The following NCOA5 variants were observed in gnomAD, a reference collection of about 807,000 sequenced individuals.
NCOA5 encodes the protein nuclear receptor coactivator 5.
Under a neutral mutation model 59.0 loss-of-function variants are expected in NCOA5, and 12 were observed. The ratio of observed to expected loss-of-function variants is 0.20; its 90% CI spans 0.13 to 0.33. The LOEUF is 0.33. NCOA5 is among the 10% of genes least tolerant of loss of function. NCOA5 has a pLI of 1.00. For missense variants in NCOA5, 655 were observed against 766.6 expected (o/e 0.85, Z 1.72); for synonymous variants, 270 against 275.5 (o/e 0.98, Z 0.20).
intron 1 of NCOA5, among the ~76,000 whole-genome samples, chr20:46,083,311 GA>G (rs1325133790): frequency 6.6e-6 from 1 of 152,214 alleles, no homozygotes; most frequent in Non-Finnish European, 1.5e-5. Flanking sequence ...TAGCCAGCAT[GA>G]AAAGGAAGTC....
At chr20:46,073,698 G>A (rs915859922) in intron 2 of NCOA5, among the ~76,000 whole-genome samples, 21 of 152,192 alleles carry the variant, frequency 1.4e-4, no homozygotes, top group Non-Finnish European at 2.9e-5. Context: ...AAAGCCTTGG[G>A]CTGGTGGAAA....
At chr20:46,068,800 T>C (rs557313526) in intron 3 of NCOA5, among the ~76,000 whole-genome samples, 162 bp from the exon 4 acceptor site, 2 of 152,326 alleles carry the variant, frequency 1.3e-5, no homozygotes, top group South Asian at 4.1e-4. Flanking sequence ...ACTGAGATGA[T>C]GTACAGAAAG....
chr20:46,063,789 T>C, intron 6 of NCOA5, 109 bp from the exon 7 acceptor site: 1 of 1,164,078 alleles, frequency 8.6e-7, no homozygotes, highest in African/African-American at 1.5e-5. Context: ...AAAATCATTT[T>C]GGTGACAAAA....
At position 46,074,618 on chromosome 20, in the gene NCOA5, T is replaced by C. The variant is rs2084917222; in HGVS notation, c.39-4082A>G. On this transcript the variant is annotated intron_variant, in intron 2 of 7. Transcript: ENST00000290231. ...AATATAGTCACACTGCTGGGAAACA[T>C]TTGAGACGTAAGGGCGAAAGGGGTG... Among the ~76,000 whole-genome samples, 4 of 152,136 alleles carry C rather than the reference T, an allele frequency of 2.6e-5. No homozygotes were observed. In the South Asian group the frequency reaches 8.3e-4, roughly 32 times the overall value.
chr20:46,069,643 A>G (rs969511560), intron 3 of NCOA5, among the ~76,000 whole-genome samples: 15 of 152,078 alleles, frequency 9.9e-5, no homozygotes, highest in African/African-American at 3.1e-4. Flanking sequence ...AGGTGGGAGA[A>G]GTACTTAAGC....
intron 2 of NCOA5, among the ~76,000 whole-genome samples, chr20:46,073,980 TGTA>T (rs1238632911): frequency 6.6e-6 from 1 of 152,000 alleles, no homozygotes; most frequent in Non-Finnish European, 1.5e-5. Flanking sequence ...AGGGTAAAAA[TGTA>T]GAAGAGGTGA....
At chr20:46,085,798 G>C (rs1250044055) in intron 1 of NCOA5, among the ~76,000 whole-genome samples, 4 of 152,126 alleles carry the variant, frequency 2.6e-5, no homozygotes, top group Non-Finnish European at 4.4e-5. Flanking sequence ...GGGTCTATTG[G>C]GGGCTATAAA....
At chr20:46,066,840 A>C (rs2084829304) in intron 5 of NCOA5, among the ~76,000 whole-genome samples, 1 of 152,182 alleles carries the variant, frequency 6.6e-6, no homozygotes, top group Non-Finnish European at 1.5e-5. Flanking sequence ...GCTGTGCCTC[A>C]ATTTCCCAGT....
In NCOA5 at chr20:46,061,533, G is replaced by C. The variant is rs925277256; in HGVS notation, c.*767C>G. On this transcript the variant is annotated 3_prime_UTR_variant, in exon 8 of 8. Coordinates refer to ENST00000290231, the MANE Select transcript of NCOA5 (RefSeq NM_020967.3). The stretch of plus-strand genomic sequence containing the variant: ...AACCAACTTCATGGAAGTGCTGCTG[G>C]AGAGGGGGATGCTGACAGAACTGGT... 1 of 152,670 alleles carries C rather than the reference G, an allele frequency of 6.6e-6. No individual in the cohort carries two copies. Among genetic ancestry groups the C allele is most frequent in the African/African-American group, 2.4e-5 (1 of 41,422 alleles). 9.5% of individuals were successfully genotyped at this position (152,670 alleles called of 1,614,324 possible). A position where few individuals can be genotyped will look rare whatever the true frequency, so the allele number is the denominator to read the frequency against.
chr20:46,062,612 T>C lies in NCOA5; in HGVS notation c.1428A>G (p.Arg476=). The C allele has an allele frequency of 6.2e-7, 1 of 1,614,188 alleles. No homozygotes were observed. The highest frequency in any genetic ancestry group is 8.5e-7 in the Non-Finnish European group (1 of 1,180,032). The change falls in exon 8 of 8, where the codon AGA becomes AGG. Residue 476 remains arginine, a synonymous_variant. Coordinates refer to ENST00000290231, the MANE Select transcript of NCOA5 (RefSeq NM_020967.3). ...GAGGCTGATTGCCAGAAGCCTGTGATCTTTGTTGAGGCTGGCTGTTTGCTG... is the reference window on the plus strand; with the variant it reads ...GAGGCTGATTGCCAGAAGCCTGTGACCTTTGTTGAGGCTGGCTGTTTGCTG... ...STAANSQPQQ[R]SQASGNQPPS...
rs1461215592 is a variant in NCOA5, at chr20:46,061,383, G to C, written c.*917C>G. The C allele has an allele frequency of 6.6e-6, 1 of 152,624 alleles. No homozygotes were observed. Among genetic ancestry groups the C allele is most frequent in the Non-Finnish European group, 1.5e-5 (1 of 68,046 alleles). 9.5% of individuals were successfully genotyped at this position (152,624 alleles called of 1,614,324 possible). ...GCTACCAGAAGTCTGACATCAAAGT[G>C]GTCCCTACCTCCTGCTGCTCAGGAA... On this transcript the variant is annotated 3_prime_UTR_variant, in exon 8 of 8. Coordinates refer to ENST00000290231, the MANE Select transcript of NCOA5 (RefSeq NM_020967.3).
At chr20:46,064,992 T>C (rs756507954) in intron 6 of NCOA5, 37 bp downstream of exon 6, 10 of 1,607,608 alleles carry the variant, frequency 6.2e-6, no homozygotes, top group East Asian at 4.5e-5. Context: ...GGACTAATAA[T>C]GGACTAGTGA....
intron 1 of NCOA5, among the ~76,000 whole-genome samples, chr20:46,087,188 G>C (rs779358614): frequency 1.3e-5 from 2 of 152,170 alleles, no homozygotes; most frequent in African/African-American, 4.8e-5. Flanking sequence ...AAGAGTAACA[G>C]TGACTTCAGG....
intron 1 of NCOA5, among the ~76,000 whole-genome samples, chr20:46,088,068 AC>A (rs1458196923): frequency 1.2e-4 from 19 of 152,122 alleles, no homozygotes; most frequent in Non-Finnish European, 1.8e-4. Flanking sequence ...GACTTATGGG[AC>A]TTTCCTGTCA....
At chr20:46,076,180 T>C (rs1185296692) in intron 2 of NCOA5, among the ~76,000 whole-genome samples, 3 of 152,102 alleles carry the variant, frequency 2.0e-5, no homozygotes, top group Non-Finnish European at 4.4e-5. Context: ...ATATTTGCCA[T>C]AGGTAGTGTT....
intron 1 of NCOA5, among the ~76,000 whole-genome samples, chr20:46,081,007 T>C (rs1056919741): frequency 2.6e-5 from 4 of 152,160 alleles, no homozygotes; most frequent in Non-Finnish European, 4.4e-5. Context: ...TTCAGGTTTA[T>C]GACTTACTGA....
chr20:46,081,493 G>T (rs1266516851), intron 1 of NCOA5, among the ~76,000 whole-genome samples: 1 of 152,074 alleles, frequency 6.6e-6, no homozygotes. Flanking sequence ...GAATCGTTTT[G>T]TAATTACTTA....
In NCOA5 at chr20:46,062,460, G is replaced by C. The variant is rs267605959; in HGVS notation, c.1580C>G (p.Pro527Arg). 2.3e-5 allele frequency: 37 copies of C among 1,614,146 alleles called. No individual in the cohort carries two copies. Among genetic ancestry groups the C allele is most frequent in the Non-Finnish European group, 3.1e-5 (36 of 1,180,020 alleles). The change falls in exon 8 of 8, where the codon CCT becomes CGT. Residue 527 changes from proline to arginine, a missense_variant. Pro to Arg is a moderately radical substitution (Grantham distance 103). This residue lies in a region of NCOA5 where 325 missense variants were observed against 353.2 expected (regional missense o/e 0.92). Transcript: ENST00000290231. The stretch of plus-strand genomic sequence containing the variant: ...AAAGTTGATACCTGTGGAAGACACA[G>C]GCCTCTGGCTAGTCATGTTGCTAGC... ...APASNMTSQR[P>R]VSSTGINFDN...
intron 1 of NCOA5, among the ~76,000 whole-genome samples, chr20:46,087,926 C>A (rs1231706791): frequency 6.6e-6 from 1 of 151,924 alleles, no homozygotes; most frequent in Non-Finnish European, 1.5e-5. Context: ...ACCAAGGTAA[C>A]CCCAAAGAAA....
Sources: allele counts gnomAD v4.1 joint callset (sites outside exome capture counted in the v4.1 genomes callset), GRCh38; gene constraint gnomAD v4.1.1; regional missense constraint gnomAD v4.1.1; transcripts MANE v1.5; gene names NCBI Gene and HGNC (gene_info 2026-07-23, HGNC 2026-07-21).